DPP6: variants seen among roughly 807,000 people sequenced by gnomAD.
DPP6 encodes the protein dipeptidyl peptidase like 6.
DPP6 carries 69 observed loss-of-function variants against 122.6 expected under a neutral mutation model. That is an observed-to-expected ratio of 0.56 (90% CI 0.46 to 0.69). DPP6 has a LOEUF of 0.69. Ranked by LOEUF, DPP6 falls within the 30% of genes least tolerant of loss-of-function variation. The pLI is 0.00. For missense variants in DPP6, 928 were observed against 1,116.9 expected, an observed-to-expected ratio of 0.83 and a Z score of 2.41; for synonymous variants, 418 against 433.1, an observed-to-expected ratio of 0.97 and a Z score of 0.43.
intron 8 of DPP6, among the ~76,000 whole-genome samples, chr7:154,733,119 G>A (rs1312137146): frequency 1.1e-4 from 16 of 152,222 alleles, no homozygotes; most frequent in African/African-American, 3.9e-4. Flanking sequence ...GCCCCCAAGA[G>A]AGACTGTCTT....
intron 1 of DPP6, among the ~76,000 whole-genome samples, chr7:154,227,439 G>T (rs949831402): frequency 5.3e-5 from 8 of 152,060 alleles, no homozygotes; most frequent in African/African-American, 1.9e-4. Context: ...GTGGGCTGTG[G>T]TTATAAAGTT....
intron 1 of DPP6, among the ~76,000 whole-genome samples, chr7:153,949,754 A>ACT (rs1563039728): frequency 6.6e-6 from 1 of 152,248 alleles, no homozygotes; most frequent in African/African-American, 2.4e-5. Context: ...GCAAGGGGCA[A>ACT]AGAGACATTG....
At chr7:154,171,649 C>G (rs1585545280) in intron 1 of DPP6, among the ~76,000 whole-genome samples, 1 of 152,186 alleles carries the variant, frequency 6.6e-6, no homozygotes, top group African/African-American at 2.4e-5. Context: ...CCAGGATTCA[C>G]AAGCAGAACA....
chr7:154,190,978 T>G (rs1191007426), intron 1 of DPP6, among the ~76,000 whole-genome samples: 2 of 152,208 alleles, frequency 1.3e-5, no homozygotes, highest in Non-Finnish European at 2.9e-5. Flanking sequence ...AGTTAATTCA[T>G]GAAATATAAA....
chr7:154,496,605 G>A (rs1330860515), intron 3 of DPP6, among the ~76,000 whole-genome samples: 3 of 152,128 alleles, frequency 2.0e-5, no homozygotes, highest in Admixed American at 6.5e-5. Context: ...GGGGGTCTTC[G>A]ACTCTCTGGA....
intron 8 of DPP6, among the ~76,000 whole-genome samples, chr7:154,767,710 A>T (rs1795996289): frequency 6.6e-6 from 1 of 152,064 alleles, no homozygotes; most frequent in African/African-American, 2.4e-5. Flanking sequence ...ACACAGCAGG[A>T]CTGGGGCTCA....
chr7:154,459,974 CTTTTTTTTTT>C (rs71184004), intron 2 of DPP6, among the ~76,000 whole-genome samples: 9 of 58,566 alleles, frequency 1.5e-4, no homozygotes, highest in African/African-American at 6.7e-4. Flanking sequence ...TATTCATGTG[CTTTTTTTTTT>C]TTTTTTTTTT....
intron 1 of DPP6, among the ~76,000 whole-genome samples, chr7:154,394,083 A>G (rs1341394476): frequency 1.3e-5 from 2 of 152,182 alleles, no homozygotes; most frequent in East Asian, 1.9e-4. Context: ...TGTTTTAGGT[A>G]TTATGAATAA....
At chr7:154,591,367 T>A (rs1037487605) in intron 5 of DPP6, among the ~76,000 whole-genome samples, 6 of 152,170 alleles carry the variant, frequency 3.9e-5, no homozygotes, top group African/African-American at 1.4e-4. Flanking sequence ...ATGAGAGTTG[T>A]GACAGTGCTG....
chr7:154,267,620 A>G (rs1242751042), intron 1 of DPP6, among the ~76,000 whole-genome samples: 2 of 151,126 alleles, frequency 1.3e-5, no homozygotes, highest in East Asian at 1.9e-4. Flanking sequence ...TATCCCTTAC[A>G]TATACACACA....
chr7:154,042,185 C>T lies in DPP6; in HGVS notation c.51+154451C>T, dbSNP rs181846589. ...GGGAGGGGTCCCTCCTCTGACCACT[C>T]TCTCTTACCAGAGAGAAAAATAATC... On this transcript the variant is annotated intron_variant, in intron 1 of 25. Transcript: ENST00000404039. 9.4e-3 allele frequency among the ~76,000 whole-genome samples: 1,437 copies of T among 152,298 alleles called. 10 individuals are homozygous for T. Among genetic ancestry groups the T allele is most frequent in the Middle Eastern group, 0.031 (9 of 294 alleles).
intron 10 of DPP6, among the ~76,000 whole-genome samples, chr7:154,780,492 G>C (rs566855216): frequency 6.6e-6 from 1 of 152,164 alleles, no homozygotes; most frequent in Non-Finnish European, 1.5e-5. Flanking sequence ...GGGATTCTGC[G>C]TCGCCATCCT....
chr7:154,454,394 A>G (rs915300818), intron 2 of DPP6, among the ~76,000 whole-genome samples: 7 of 152,230 alleles, frequency 4.6e-5, no homozygotes, highest in Admixed American at 2.6e-4. Flanking sequence ...GGTGCTATAA[A>G]TAGAGGCTGC....
At chr7:154,742,991 A>C (rs1842883048) in intron 8 of DPP6, among the ~76,000 whole-genome samples, 1 of 152,366 alleles carries the variant, frequency 6.6e-6, no homozygotes, top group Non-Finnish European at 1.5e-5. Context: ...CAGGGAGCAT[A>C]ACGTACCATC....
intron 3 of DPP6, among the ~76,000 whole-genome samples, chr7:154,477,444 G>A (rs567633096): frequency 4.0e-5 from 6 of 151,808 alleles, no homozygotes; most frequent in Non-Finnish European, 7.4e-5. Flanking sequence ...ATGATATGTT[G>A]AAATAAAGTG....
intron 7 of DPP6, among the ~76,000 whole-genome samples, chr7:154,696,179 C>T (rs1164052487): frequency 2.0e-5 from 3 of 152,182 alleles, no homozygotes; most frequent in Non-Finnish European, 2.9e-5. Context: ...TCTGAATGAG[C>T]GGAAGCTTCC....
chr7:153,902,007 T>C (rs1317359517), intron 1 of DPP6, among the ~76,000 whole-genome samples: 2 of 152,230 alleles, frequency 1.3e-5, no homozygotes, highest in Non-Finnish European at 2.9e-5. Context: ...GTAAAGCCTA[T>C]TGGGGAAATA....
chr7:153,833,865 G>T, the DPP6 span, among the ~76,000 whole-genome samples: 1 of 152,150 alleles, frequency 6.6e-6, no homozygotes, highest in Admixed American at 6.5e-5. Flanking sequence ...AATGCATTCT[G>T]CTTTCATCTC....
chr7:154,017,907 AAG>A (rs1334688429), intron 1 of DPP6, among the ~76,000 whole-genome samples: 2 of 152,042 alleles, frequency 1.3e-5, no homozygotes, highest in Non-Finnish European at 2.9e-5. Flanking sequence ...CGTAAATACA[AAG>A]AGAGTCATAA....
Sources: gnomAD v4.1 joint callset for allele counts (sites outside exome capture counted in the v4.1 genomes callset) on GRCh38, gnomAD v4.1.1 for gene constraint, MANE v1.5 for transcripts, NCBI Gene and HGNC (gene_info 2026-07-23, HGNC 2026-07-21) for gene names.